MROH2A: variants seen among roughly 807,000 people sequenced by gnomAD.
The protein encoded by MROH2A is maestro heat like repeat family member 2A, also known as maestro heat-like repeat-containing protein family member 2A.
In MROH2A, 174 loss-of-function variants were observed where a neutral mutation model predicts 200.4. That is an observed-to-expected ratio of 0.87 (90% confidence interval 0.77 to 0.98). The LOEUF (loss-of-function observed/expected upper bound fraction) is 0.98. Ranked by LOEUF, MROH2A falls within the 50% of genes least tolerant of loss-of-function variation. MROH2A has a pLI of 0.00. For synonymous variants in MROH2A, 829 were observed against 840.4 expected (o/e 0.99, Z 0.23); for missense variants, 2,045 against 2,139.6 (o/e 0.96, Z 0.87).
intron 19 of MROH2A, among the ~76,000 whole-genome samples, chr2:233,805,870 A>G (rs900264153): frequency 1.3e-5 from 2 of 152,182 alleles, no homozygotes; most frequent in Admixed American, 1.3e-4. Flanking sequence ...ATCCACATGC[A>G]AAAGAATGAA....
chr2:233,805,924 G>A lies in MROH2A; in HGVS notation c.2052+813G>A, dbSNP rs148295760. On this transcript the variant is annotated intron_variant, in intron 19 of 41. Coordinates refer to ENST00000389758, the MANE Select transcript of MROH2A (RefSeq NM_001394639.1). The stretch of plus-strand genomic sequence containing the variant: ...ACCACACATAAAGCTGAATCAAAAC[G>A]AATCACAGACCTAAATAAAAGAACT... Among the ~76,000 whole-genome samples the A allele has an allele frequency of 7.0e-3, 1,063 of 152,190 alleles. 7 individuals are homozygous for A. Among genetic ancestry groups the A allele is most frequent in the Middle Eastern group, 0.014 (4 of 294 alleles).
rs1702655698 is a variant in MROH2A, at chr2:233,804,269, A to C, written c.1891+77A>C. The C allele has an allele frequency of 2.0e-6, 3 of 1,522,180 alleles. No homozygotes were observed. In the South Asian group the frequency reaches 3.7e-5, roughly 19 times the overall value. 94.3% of individuals were successfully genotyped at this position (1,522,180 alleles called of 1,614,324 possible). A position where few individuals can be genotyped will look rare whatever the true frequency, so the allele number is the denominator to read the frequency against. On this transcript the variant is annotated intron_variant, in intron 17 of 41. Coordinates refer to ENST00000389758, the MANE Select transcript of MROH2A (RefSeq NM_001394639.1). ...GCTGGGGTTCTAATCACATGACTTG[A>C]ATAACGAGAGCTGAGGCTCACAGTT...
At chr2:233,788,176 T>TTA (rs910219174) in intron 3 of MROH2A, among the ~76,000 whole-genome samples, 4 of 119,392 alleles carry the variant, frequency 3.4e-5, no homozygotes, top group Admixed American at 1.2e-4. Flanking sequence ...TATACATATA[T>TTA]TATATATATA....
rs1702643108 is a variant in MROH2A at position 233,804,094 on chromosome 2, C to A, written c.1793C>A (p.Ala598Asp). The A allele has an allele frequency of 6.4e-7, 1 of 1,550,410 alleles. No homozygotes were observed. The highest frequency in any genetic ancestry group is 8.7e-7 in the Non-Finnish European group (1 of 1,146,988). Residue 598 changes from alanine to aspartate, a missense_variant, in exon 17 of 42, where the codon GCC becomes GAC. Physicochemically the swap from Ala to Asp is moderately radical, Grantham distance 126. Transcript: ENST00000389758. ...TACAAGGGGGAGGGTCGTGGGATAG[C>A]CATGCTCAACCTCTTGAGGACCCTG... The part of the protein sequence containing the change: ...SPYKGEGRGI[A>D]MLNLLRTLSQ...
intron 31 of MROH2A, among the ~76,000 whole-genome samples, chr2:233,821,517 G>C (rs1703935375): frequency 6.6e-6 from 1 of 152,210 alleles, no homozygotes; most frequent in Non-Finnish European, 1.5e-5. Context: ...ATTTAGACTT[G>C]TTAGACTCAC....
chr2:233,789,684 C>CG, intron 4 of MROH2A, 56 bp downstream of exon 4: 4 of 1,437,698 alleles, frequency 2.8e-6, no homozygotes, highest in East Asian at 2.6e-5. Flanking sequence ...AGCTGGGCCA[C>CG]GGGGGGCCTG....
chr2:233,817,831 A>C (rs558176068), intron 27 of MROH2A, among the ~76,000 whole-genome samples, 171 bp from the exon 28 acceptor site: 40 of 152,312 alleles, frequency 2.6e-4, no homozygotes, highest in African/African-American at 8.9e-4. Flanking sequence ...AGCTGTGGGC[A>C]GGGGAGGCTG....
At position 233,831,595 on chromosome 2, in the gene MROH2A, G is replaced by A. The variant is rs868843568; in HGVS notation, c.4734+55G>A. The A allele has an allele frequency of 1.3e-4, 193 of 1,523,610 alleles. No homozygotes were observed. In the Middle Eastern group the frequency reaches 1.4e-3, roughly 11 times the overall value. The allele number at this position is 1,523,610 out of a possible 1,614,324, so 94.4% of individuals were successfully genotyped here. ...TCCCAGGTGGCCACACGCTGGCTTG[G>A]AGCTGGGGGGTCGAGATTGCCACAG... On this transcript the variant is annotated intron_variant, in intron 39 of 41. Transcript: ENST00000389758.
chr2:233,780,424 G>A (rs1227661363), intron 3 of MROH2A, among the ~76,000 whole-genome samples: 1 of 152,204 alleles, frequency 6.6e-6, no homozygotes, highest in Non-Finnish European at 1.5e-5. Context: ...CAAGTTCCCA[G>A]GTGATGCCAA....
chr2:233,779,302 T>C (rs1373631813), intron 1 of MROH2A, 43 bp from the exon 2 acceptor site: 3 of 1,266,300 alleles, frequency 2.4e-6, no homozygotes, highest in Non-Finnish European at 3.4e-6. Flanking sequence ...TCTTAAGGTG[T>C]GTGTCACACC....
Position 233,829,054 on chromosome 2 carries a change from C to T in MROH2A, c.4428C>T (p.Cys1476=), listed in dbSNP as rs1469338852. Residue 1476 remains cysteine (C), a synonymous_variant, in exon 37 of 42, where the codon TGC becomes TGT. Transcript: ENST00000389758. Reference sequence around the variant, plus strand: ...CTTTCGACGCCATGTCTGAGCAGTGCAGGATCTTCTTCGACAACGTGAGTC... The same window carrying T: ...CTTTCGACGCCATGTCTGAGCAGTGTAGGATCTTCTTCGACAACGTGAGTC... ...GSSFDAMSEQ[C]RIFFDNESEL... The T allele has an allele frequency of 2.0e-6, 3 of 1,526,964 alleles. No individual in the cohort carries two copies. In the Admixed American group the frequency reaches 6.3e-5, roughly 32 times the overall value. 94.6% of individuals were successfully genotyped at this position (1,526,964 alleles called of 1,614,324 possible).
intron 3 of MROH2A, among the ~76,000 whole-genome samples, chr2:233,785,733 C>T (rs1701173205): frequency 6.6e-6 from 1 of 152,002 alleles, no homozygotes; most frequent in Non-Finnish European, 1.5e-5. Flanking sequence ...TTGATACCTC[C>T]CCTGTGTGAT....
At chr2:233,798,623 A>G (rs1414083431) in intron 11 of MROH2A, 151 bp from the exon 12 acceptor site, 9 of 639,670 alleles carry the variant, frequency 1.4e-5, no homozygotes, top group East Asian at 2.8e-5. Context: ...GGAGATGGCC[A>G]GGGAGAGCAT....
intron 5 of MROH2A, among the ~76,000 whole-genome samples, chr2:233,790,914 C>A (rs139929929): frequency 3.2e-4 from 49 of 152,240 alleles, no homozygotes; most frequent in African/African-American, 1.1e-3. Flanking sequence ...TGAGATCTGG[C>A]TAAGGGAGGG....
chr2:233,794,778 G>T (rs1229912826), intron 8 of MROH2A, among the ~76,000 whole-genome samples: 1 of 152,154 alleles, frequency 6.6e-6, no homozygotes, highest in Non-Finnish European at 1.5e-5. Context: ...GTTTGTTAGG[G>T]TTGCTGTAAC....
intron 3 of MROH2A, among the ~76,000 whole-genome samples, chr2:233,788,031 ATATATATACATATATAT>A (rs1304343053): frequency 1.6e-5 from 1 of 63,464 alleles, no homozygotes; most frequent in Admixed American, 2.9e-4. Flanking sequence ...TACATATATT[ATATATATACATATATAT>A]TATATATACA....
At position 233,825,761 on chromosome 2, in the gene MROH2A, A is replaced by G. The variant is rs190073077; in HGVS notation, c.4113+2097A>G. On this transcript the variant is annotated intron_variant, in intron 35 of 41. Transcript: ENST00000389758. ...TTTTGCATCGATGTTCATCAGGGAT[A>G]TTGGCCTGAAGTTTTCTTTTTTTTG... 7.3e-3 allele frequency among the ~76,000 whole-genome samples: 1,105 copies of G among 152,086 alleles called. 5 individuals carry two copies. Among genetic ancestry groups the G allele is most frequent in the African/African-American group, 0.024 (994 of 41,458 alleles).
In MROH2A at chr2:233,824,837, T is replaced by A. The variant is rs1576011824; in HGVS notation, c.4113+1173T>A. Among the ~76,000 whole-genome samples, 5 of 152,342 alleles carry A rather than the reference T, an allele frequency of 3.3e-5. No individual in the cohort carries two copies. In the East Asian group the frequency reaches 9.6e-4, roughly 29 times the overall value. ...TTTTGGTTCCATATGAATTTTAAAA[T>A]AATTTTTTTCTAATTCTGTGAAGAA... On this transcript the variant is annotated intron_variant, in intron 35 of 41. Coordinates refer to ENST00000389758, the MANE Select transcript of MROH2A (RefSeq NM_001394639.1).
chr2:233,830,988 C>T (rs1704702279), intron 38 of MROH2A, among the ~76,000 whole-genome samples: 2 of 152,192 alleles, frequency 1.3e-5, no homozygotes, highest in African/African-American at 2.4e-5. Context: ...AGCATTTTGT[C>T]TTCCTGCCCT....
Sources: gnomAD v4.1 joint callset for allele counts (sites outside exome capture counted in the v4.1 genomes callset) on GRCh38, gnomAD v4.1.1 for gene constraint, MANE v1.5 for transcripts, NCBI Gene and HGNC (gene_info 2026-07-23, HGNC 2026-07-21) for gene names.